The following TMEM130 variants were observed in gnomAD, a reference collection of about 807,000 sequenced individuals.
TMEM130 encodes transmembrane protein 130.
A neutral mutation model predicts 42.9 loss-of-function variants in TMEM130; 37 were observed. The ratio of observed to expected loss-of-function variants is 0.86; its 90% CI spans 0.66 to 1.13. The LOEUF (loss-of-function observed/expected upper bound fraction) is 1.13, where lower values mean the gene tolerates loss of function less well. Among genes scored for constraint, TMEM130 ranks in the 50% most tolerant of loss-of-function variants. TMEM130 has a pLI of 0.00. For missense variants in TMEM130, 545 were observed against 562.6 expected (o/e 0.97, Z 0.32); for synonymous variants, 259 against 237.7 (o/e 1.09, Z -0.82).
chr7:98,869,777 CTG>C lies in TMEM130; in HGVS notation c.83_84del (p.Ala28GlyfsTer4). ...LLPWAPAGVA[A>X]GLYELNLTTD... ...GAGGCCGGATTGCCCAGCGCCTTAC[CTG>C]CGGCCACCCCTGCCGGGGCCCAGGG... On this transcript the variant is annotated frameshift_variant and splice_region_variant, in exon 1 of 8. Transcript: ENST00000339375. LOFTEE classifies it high-confidence loss of function. This position sits in a 1 kb window ranked among gnomAD's most constrained non-coding sequence, Gnocchi z 4.7. 7.1e-7 allele frequency: 1 copy of C among 1,406,810 alleles called. No individual in the cohort carries two copies. The highest frequency in any genetic ancestry group is 1.5e-5 in the South Asian group (1 of 65,920). 87.1% of individuals were successfully genotyped at this position (1,406,810 alleles called of 1,614,324 possible).
At chr7:98,851,719 T>A in intron 5 of TMEM130, 96 bp from the exon 6 acceptor site, 1 of 1,169,400 alleles carries the variant, frequency 8.6e-7, no homozygotes, top group Non-Finnish European at 1.2e-6. Context: ...GGAACTTCAG[T>A]GTCCTTTCCA....
At chr7:98,858,681 T>C (rs1447395924) in intron 3 of TMEM130, among the ~76,000 whole-genome samples, 1 of 151,994 alleles carries the variant, frequency 6.6e-6, no homozygotes, top group African/African-American at 2.4e-5. Flanking sequence ...TAAGATCCTG[T>C]CTCTACAAAA....
Position 98,869,427 on chromosome 7 carries a change from C to T in TMEM130, c.85+350G>A, listed in dbSNP as rs907323015. The T allele has an allele frequency of 2.3e-5, 28 of 1,213,372 alleles. No homozygotes were observed. Among genetic ancestry groups the T allele is most frequent in the African/African-American group, 1.8e-4 (11 of 62,270 alleles). The allele number at this position is 1,213,372 out of a possible 1,614,324, so 75.2% of individuals were successfully genotyped here. ...GCGATGACGGACCCTGGCGCATCCCCGCCTCCCTGCCTCGTCCTCCCCTCC... is the reference window on the plus strand; with the variant it reads ...GCGATGACGGACCCTGGCGCATCCCTGCCTCCCTGCCTCGTCCTCCCCTCC... On this transcript the variant is annotated intron_variant, in intron 1 of 7. Transcript: ENST00000339375. This position sits in a 1 kb window ranked among gnomAD's most constrained non-coding sequence, Gnocchi z 4.7.
Position 98,850,273 on chromosome 7 carries a change from A to ATATATATTTTTTTTTTTTTTTTTTT in TMEM130, c.1006+1147_1006+1148insAAAAAAAAAAAAAAAAAAATATATA. 1.3e-3 allele frequency among the ~76,000 whole-genome samples: 45 copies of ATATATATTTTTTTTTTTTTTTTTTT among 35,406 alleles called. 2 individuals are homozygous for ATATATATTTTTTTTTTTTTTTTTTT. Among genetic ancestry groups the ATATATATTTTTTTTTTTTTTTTTTT allele is most frequent in the Non-Finnish European group, 2.3e-3 (36 of 15,758 alleles). 23.2% of individuals were successfully genotyped at this position (35,406 alleles called of 152,430 possible). Reference sequence around the variant, plus strand: ...CTCATATATATATATATATATATATATTTTTTTTTTTTTTTAATTTTTTGA... The same window carrying ATATATATTTTTTTTTTTTTTTTTTT: ...CTCATATATATATATATATATATATATATATATTTTTTTTTTTTTTTTTTTTTTTTTTTTTTTTTTAATTTTTTGA... On this transcript the variant is annotated intron_variant, in intron 6 of 7. Coordinates refer to ENST00000339375, the MANE Select transcript of TMEM130 (RefSeq NM_152913.3).
At chr7:98,859,389 TG>T (rs1488617757) in intron 3 of TMEM130, among the ~76,000 whole-genome samples, 7 of 152,048 alleles carry the variant, frequency 4.6e-5, no homozygotes, top group Non-Finnish European at 8.8e-5. Flanking sequence ...CGAGGTCAAA[TG>T]GGAAAAAATC....
chr7:98,851,324 T>A lies in TMEM130; in HGVS notation c.1006+97A>T, dbSNP rs1472489597. 3 of 1,292,984 alleles carry A rather than the reference T, an allele frequency of 2.3e-6. No homozygotes were observed. In the African/African-American group the frequency reaches 4.4e-5, roughly 19 times the overall value. The allele number at this position is 1,292,984 out of a possible 1,614,324, so 80.1% of individuals were successfully genotyped here. A position where few individuals can be genotyped will look rare whatever the true frequency, so the allele number is the denominator to read the frequency against. On this transcript the variant is annotated intron_variant, in intron 6 of 7. Coordinates refer to ENST00000339375, the MANE Select transcript of TMEM130 (RefSeq NM_152913.3). ...CGGGCTTTGTTGCTGAGGACCTTGGTAAGGCTGGCTGGTAGGAGCGTATTG... is the reference window on the plus strand; with the variant it reads ...CGGGCTTTGTTGCTGAGGACCTTGGAAAGGCTGGCTGGTAGGAGCGTATTG...
Position 98,869,831 on chromosome 7 carries a change from G to T in TMEM130, c.31C>A (p.Arg11Ser), listed in dbSNP as rs782523433. The change falls in exon 1 of 8, where the codon CGC becomes AGC. Residue 11 changes from arginine to serine, a missense_variant. Transcript: ENST00000339375. This position sits in a 1 kb window ranked among gnomAD's most constrained non-coding sequence, Gnocchi z 4.7. MAQAVWSRLGRILWLACLLPW... is the reference protein window; with the variant it reads MAQAVWSRLGSILWLACLLPW... ...AGGAGGCAGGCAAGCCAGAGGATGC[G>T]GCCGAGGCGCGACCACACTGCCTGG... The T allele has an allele frequency of 6.9e-7, 1 of 1,446,816 alleles. No individual in the cohort carries two copies. Among genetic ancestry groups the T allele is most frequent in the East Asian group, 3.0e-5 (1 of 33,318 alleles). 89.6% of individuals were successfully genotyped at this position (1,446,816 alleles called of 1,614,324 possible).
At chr7:98,851,201 G>A (rs1794494221) in intron 6 of TMEM130, among the ~76,000 whole-genome samples, 1 of 152,174 alleles carries the variant, frequency 6.6e-6, no homozygotes, top group Non-Finnish European at 1.5e-5. Context: ...GGTTGCTGGT[G>A]GGATTGGAGA....
chr7:98,857,725 T>C (rs1404500794), intron 3 of TMEM130, among the ~76,000 whole-genome samples: 4 of 1,688 alleles, frequency 2.4e-3, no homozygotes, highest in Non-Finnish European at 4.7e-3. Flanking sequence ...AACACATCCT[T>C]TTTTTTTTTT....
At chr7:98,863,018 T>A in intron 2 of TMEM130, 77 bp downstream of exon 2, 1 of 1,488,010 alleles carries the variant, frequency 6.7e-7, no homozygotes, top group Non-Finnish European at 9.1e-7. Context: ...TGCATTGATC[T>A]GATTCCTAGC....
chr7:98,852,302 G>A (rs1368039338), intron 5 of TMEM130, among the ~76,000 whole-genome samples: 1 of 152,022 alleles, frequency 6.6e-6, no homozygotes, highest in Non-Finnish European at 1.5e-5. Context: ...GCTAATTTTT[G>A]TATTTTTAGT....
intron 4 of TMEM130, among the ~76,000 whole-genome samples, chr7:98,855,748 C>G (rs1380661454): frequency 6.6e-6 from 1 of 152,172 alleles, no homozygotes; most frequent in African/African-American, 2.4e-5. Context: ...CATGGACTGG[C>G]CAATTCACAG....
rs781939819 is a variant in TMEM130 at position 98,848,637 on chromosome 7, G to A, written c.1065C>T (p.Ala355=). ...PCATLITVML[A]FIMYMTLRNA... is the part of the protein sequence containing the mutation. ...TCCGCAGGGTCATGTACATGATGAA[G>A]GCCAACATCACAGTGATAAGTGTAG... Residue 355 remains alanine (A), a synonymous_variant, in exon 7 of 8, where the codon GCC becomes GCT. Transcript: ENST00000339375. 1.7e-5 allele frequency: 28 copies of A among 1,613,978 alleles called. No individual in the cohort carries two copies. In the East Asian group the frequency reaches 2.0e-4, roughly 12 times the overall value.
At chr7:98,858,893 G>T (rs1351052897) in intron 3 of TMEM130, among the ~76,000 whole-genome samples, 1 of 146,580 alleles carries the variant, frequency 6.8e-6, no homozygotes, top group Non-Finnish European at 1.5e-5. Flanking sequence ...GTTTTGCTGG[G>T]CACAGTGGCT....
chr7:98,855,190 G>A, intron 5 of TMEM130, 50 bp downstream of exon 5: 3 of 1,522,278 alleles, frequency 2.0e-6, no homozygotes, highest in Non-Finnish European at 2.7e-6. Context: ...CGTGAAGGGG[G>A]ATGTGCAGAG....
chr7:98,869,164 A>G lies in TMEM130; in HGVS notation c.85+613T>C. The G allele has an allele frequency of 7.8e-7, 1 of 1,279,190 alleles. No individual in the cohort carries two copies. The highest frequency in any genetic ancestry group is 1.0e-6 in the Non-Finnish European group (1 of 984,502). The allele number at this position is 1,279,190 out of a possible 1,614,324, so 79.2% of individuals were successfully genotyped here. A position where few individuals can be genotyped will look rare whatever the true frequency, so the allele number is the denominator to read the frequency against. On this transcript the variant is annotated intron_variant, in intron 1 of 7. Transcript: ENST00000339375. The surrounding 1 kb of genome is among the most constrained non-coding windows in gnomAD (Gnocchi z 4.7). ...CGGTGGGGAAGTGGGGGCAGTAGAC[A>G]CACAACCCTGCTTCCCCCACTCCCC... is the stretch of plus-strand genomic sequence containing the variant.
intron 6 of TMEM130, among the ~76,000 whole-genome samples, chr7:98,850,615 C>T (rs782713053): frequency 3.3e-5 from 5 of 151,582 alleles, no homozygotes; most frequent in East Asian, 1.9e-4. Flanking sequence ...AGTTTTGCCA[C>T]GTTGCCCAGG....
At chr7:98,862,780 G>A (rs1794813076) in intron 2 of TMEM130, among the ~76,000 whole-genome samples, 3 of 152,114 alleles carry the variant, frequency 2.0e-5, no homozygotes, top group African/African-American at 4.8e-5. Flanking sequence ...GATTACAAGC[G>A]TGAGCCACCG....
At chr7:98,855,975 C>T (rs782082919) in intron 4 of TMEM130, 42 bp downstream of exon 4, 2 of 1,600,140 alleles carry the variant, frequency 1.2e-6, no homozygotes, top group Non-Finnish European at 1.7e-6. Context: ...GGTGACCCCA[C>T]TCTGGAACGC....
Sources: allele counts gnomAD v4.1 joint callset (sites outside exome capture counted in the v4.1 genomes callset), GRCh38; gene constraint gnomAD v4.1.1; non-coding constraint Gnocchi (gnomAD v3.1); transcripts MANE v1.5; gene names NCBI Gene and HGNC (gene_info 2026-07-23, HGNC 2026-07-21).